Variants in PTPRT observed in about 807,000 individuals in gnomAD.
The protein encoded by PTPRT is receptor-type tyrosine-protein phosphatase T.
In PTPRT, 56 loss-of-function variants were observed where a neutral mutation model predicts 176.8. The observed-to-expected ratio is 0.32, with a 90% CI of 0.26 to 0.40. PTPRT has a LOEUF of 0.40. Among genes scored for constraint, PTPRT ranks in the 10% least tolerant of loss-of-function variants. The pLI is 1.00. For missense variants in PTPRT, 1,540 were observed against 1,908.2 expected, an observed-to-expected ratio of 0.81 and a Z score of 3.60; for synonymous variants, 783 against 739.0, an observed-to-expected ratio of 1.06 and a Z score of -0.96.
intron 13 of PTPRT, among the ~76,000 whole-genome samples, chr20:42,269,379 C>T (rs578219300): frequency 2.0e-5 from 3 of 152,244 alleles, no homozygotes; most frequent in Admixed American, 6.5e-5. Flanking sequence ...ATAAACTGAC[C>T]GTTCAGGGAT....
intron 1 of PTPRT, among the ~76,000 whole-genome samples, chr20:42,981,987 G>A (rs373321594): frequency 7.2e-4 from 109 of 152,266 alleles, no homozygotes; most frequent in African/African-American, 2.5e-3. Flanking sequence ...CAACTAGACC[G>A]AGGGAAGAAG....
chr20:42,365,224 T>C (rs2058497127), intron 9 of PTPRT, among the ~76,000 whole-genome samples: 1 of 152,236 alleles, frequency 6.6e-6, no homozygotes, highest in South Asian at 2.1e-4. Context: ...AACATTTCTA[T>C]TCCGGCTAGC....
In PTPRT at chr20:42,637,134, T is replaced by C. The variant is rs188013398; in HGVS notation, c.1153+40732A>G. Reference sequence around the variant, plus strand: ...GCCACCCCCAGAGTTTCTGATTCCATAGGTTTAAGTGAGGACCTAATAATT... The same window carrying C: ...GCCACCCCCAGAGTTTCTGATTCCACAGGTTTAAGTGAGGACCTAATAATT... On this transcript the variant is annotated intron_variant, in intron 7 of 30. Coordinates refer to ENST00000373187, the MANE Select transcript of PTPRT (RefSeq NM_007050.6). Among the ~76,000 whole-genome samples, 37 of 152,242 alleles carry C rather than the reference T, an allele frequency of 2.4e-4. 1 individual carries two copies. Among genetic ancestry groups the C allele is most frequent in the Admixed American group, 2.4e-3 (36 of 15,296 alleles).
chr20:42,188,534 T>C (rs1043996214), intron 16 of PTPRT, among the ~76,000 whole-genome samples: 6 of 152,078 alleles, frequency 3.9e-5, no homozygotes, highest in African/African-American at 1.4e-4. Flanking sequence ...GCATAGAAAG[T>C]GCTTTGTCCA....
intron 17 of PTPRT, among the ~76,000 whole-genome samples, chr20:42,151,872 G>C (rs2146461113): frequency 1.3e-5 from 2 of 152,328 alleles, no homozygotes; most frequent in Middle Eastern, 6.8e-3. Flanking sequence ...GACCGTTTTG[G>C]GAAAATTGGG....
intron 7 of PTPRT, among the ~76,000 whole-genome samples, chr20:42,645,625 G>C (rs1376979187): frequency 6.6e-6 from 1 of 152,106 alleles, no homozygotes; most frequent in Non-Finnish European, 1.5e-5. Context: ...ACCACGGAGA[G>C]TCAGAGTAAG....
At chr20:42,421,257 C>T (rs1030585917) in intron 9 of PTPRT, among the ~76,000 whole-genome samples, 1 of 131,286 alleles carries the variant, frequency 7.6e-6, no homozygotes, top group African/African-American at 2.9e-5. Context: ...CACACACACG[C>T]ACGCACGCAC....
At chr20:42,673,386 C>T (rs887115356) in intron 7 of PTPRT, among the ~76,000 whole-genome samples, 1 of 152,204 alleles carries the variant, frequency 6.6e-6, no homozygotes, top group Non-Finnish European at 1.5e-5. Flanking sequence ...GGCTCAACCC[C>T]AGAATTTCTG....
intron 7 of PTPRT, among the ~76,000 whole-genome samples, chr20:42,533,447 A>ACAG (rs2072421759): frequency 6.6e-6 from 1 of 152,184 alleles, no homozygotes; most frequent in Non-Finnish European, 1.5e-5. Flanking sequence ...CTTTCAGTCA[A>ACAG]TCAATTACCT....
chr20:42,641,181 A>T (rs1029789082), intron 7 of PTPRT, among the ~76,000 whole-genome samples: 2 of 152,182 alleles, frequency 1.3e-5, no homozygotes, highest in African/African-American at 4.8e-5. Context: ...TAATTTCTCC[A>T]GCATTGATTG....
chr20:42,098,917 A>G (rs7266940), intron 26 of PTPRT, among the ~76,000 whole-genome samples: 3,442 of 152,370 alleles, frequency 0.023, 130 homozygotes, highest in African/African-American at 0.078. Flanking sequence ...GATTGGCCGC[A>G]TCCCTGTGGC....
chr20:42,282,737 T>C (rs1284617881), intron 12 of PTPRT, among the ~76,000 whole-genome samples: 2 of 152,186 alleles, frequency 1.3e-5, no homozygotes, highest in Non-Finnish European at 1.5e-5. Context: ...ACATATGTTA[T>C]TCAGTTCACT....
At position 42,076,076 on chromosome 20, in the gene PTPRT, T is replaced by C. The variant is rs940896406; in HGVS notation, c.*4803A>G. On this transcript the variant is annotated 3_prime_UTR_variant, in exon 31 of 31. Transcript: ENST00000373187. The stretch of plus-strand genomic sequence containing the variant: ...AATGTTGATGAGGGTCCTTTTTTCA[T>C]GTATGTTTTTCATGTATGTATGTTT... 4 of 215,868 alleles carry C rather than the reference T, an allele frequency of 1.9e-5. No homozygotes were observed. The highest frequency in any genetic ancestry group is 9.0e-5 in the African/African-American group (4 of 44,374). 13.4% of individuals were successfully genotyped at this position (215,868 alleles called of 1,614,324 possible). A position where few individuals can be genotyped will look rare whatever the true frequency, so the allele number is the denominator to read the frequency against.
chr20:42,763,462 A>G (rs545985867), intron 5 of PTPRT, among the ~76,000 whole-genome samples: 12 of 152,280 alleles, frequency 7.9e-5, no homozygotes, highest in Admixed American at 3.9e-4. Flanking sequence ...CATCAAAATA[A>G]TAAAAAAAAA....
At chr20:42,199,203 C>T (rs1892626044) in intron 16 of PTPRT, 37 bp downstream of exon 16, 3 of 1,607,522 alleles carry the variant, frequency 1.9e-6, no homozygotes, top group East Asian at 2.2e-5. Context: ...TGAGCTGGAC[C>T]ACGGATGTCC....
intron 1 of PTPRT, among the ~76,000 whole-genome samples, chr20:43,185,876 G>T (rs2015377082): frequency 1.3e-5 from 2 of 151,916 alleles, no homozygotes; most frequent in South Asian, 4.1e-4. Context: ...AGGTTGCGGT[G>T]AGCCAAGACT....
intron 15 of PTPRT, among the ~76,000 whole-genome samples, chr20:42,234,935 A>T (rs895663528): frequency 1.3e-5 from 2 of 152,214 alleles, no homozygotes; most frequent in Non-Finnish European, 2.9e-5. Context: ...AGGTAATGCT[A>T]TTAGGCACAG....
chr20:42,592,187 G>A (rs548424498), intron 7 of PTPRT, among the ~76,000 whole-genome samples: 2 of 151,422 alleles, frequency 1.3e-5, no homozygotes, highest in East Asian at 3.9e-4. Flanking sequence ...GTGTTAGCCA[G>A]GATGTTCTCG....
At chr20:42,249,577 C>G (rs2056515644) in intron 13 of PTPRT, among the ~76,000 whole-genome samples, 1 of 152,172 alleles carries the variant, frequency 6.6e-6, no homozygotes, top group Non-Finnish European at 1.5e-5. Context: ...AGACGAGATA[C>G]TGATTTTCCC....
Sources: gnomAD v4.1 joint callset for allele counts (sites outside exome capture counted in the v4.1 genomes callset) on GRCh38, gnomAD v4.1.1 for gene constraint, MANE v1.5 for transcripts, NCBI Gene and HGNC (gene_info 2026-07-23, HGNC 2026-07-21) for gene names.